The following ZBTB16 variants were observed in gnomAD, a reference collection of about 807,000 sequenced individuals.
The protein encoded by ZBTB16 is zinc finger and BTB domain-containing protein 16.
In ZBTB16, 8 loss-of-function variants were observed where a neutral mutation model predicts 56.8. That is an observed-to-expected ratio of 0.14 (90% CI 0.08 to 0.25). The LOEUF is 0.25. Among genes scored for constraint, ZBTB16 ranks in the 10% least tolerant of loss-of-function variants. The probability of loss-of-function intolerance (pLI) is 1.00; values close to 1 mark genes in which losing one functional copy is unlikely to be tolerated. For missense variants in ZBTB16, 625 were observed against 903.0 expected (o/e 0.69, Z 3.95); for synonymous variants, 363 against 368.5 (o/e 0.98, Z 0.17).
intron 2 of ZBTB16, among the ~76,000 whole-genome samples, chr11:114,079,242 G>T (rs1374603969): frequency 1.3e-5 from 2 of 152,154 alleles, no homozygotes; most frequent in African/African-American, 4.8e-5. Context: ...TGACCACCTT[G>T]TCCATGGTAA....
intron 3 of ZBTB16, 47 bp from the exon 4 acceptor site, chr11:114,186,905 A>C: frequency 6.3e-7 from 1 of 1,591,958 alleles, no homozygotes; most frequent in South Asian, 1.1e-5. Context: ...CTCCCCGCTC[A>C]CCAGTGGACT....
chr11:114,062,296 C>T (rs1447281224), intron 1 of ZBTB16, among the ~76,000 whole-genome samples: 1 of 151,812 alleles, frequency 6.6e-6, no homozygotes, highest in Non-Finnish European at 1.5e-5. Context: ...AGAGACGGGG[C>T]TTCTCCATGT....
intron 4 of ZBTB16, among the ~76,000 whole-genome samples, chr11:114,228,933 C>G (rs1944383880): frequency 6.6e-6 from 1 of 152,226 alleles, no homozygotes; most frequent in Non-Finnish European, 1.5e-5. Flanking sequence ...TGTCCCTCCC[C>G]TTCCCTGGCG....
At chr11:114,150,563 A>G (rs2846020) in intron 2 of ZBTB16, among the ~76,000 whole-genome samples, 1 of 152,246 alleles carries the variant, frequency 6.6e-6, no homozygotes, top group African/African-American at 2.4e-5. Flanking sequence ...TGGGGAGGAA[A>G]TACTGATAGC....
chr11:114,094,296 C>T (rs143051369), intron 2 of ZBTB16, among the ~76,000 whole-genome samples: 2,618 of 152,032 alleles, frequency 0.017, 78 homozygotes, highest in African/African-American at 0.059. Context: ...GCCTGGGAGA[C>T]AGAGCAAGAC....
intron 3 of ZBTB16, among the ~76,000 whole-genome samples, chr11:114,175,460 C>T (rs1943084921): frequency 6.8e-6 from 1 of 146,458 alleles, no homozygotes; most frequent in Non-Finnish European, 1.5e-5. Context: ...CATGTGCAAA[C>T]TTTTTTTTTT....
In ZBTB16 at chr11:114,121,431, C is replaced by T. The variant is rs549380772; in HGVS notation, c.1269-34906C>T. Among the ~76,000 whole-genome samples the T allele has an allele frequency of 6.9e-4, 105 of 152,264 alleles. 1 individual carries two copies. Among genetic ancestry groups the T allele is most frequent in the African/African-American group, 2.4e-3 (101 of 41,550 alleles). ...GCCAGTAAGGTGGGGAGGTCATTTTCTCACCAAATCAAAACACAAAACCCT... is the reference window on the plus strand; with the variant it reads ...GCCAGTAAGGTGGGGAGGTCATTTTTTCACCAAATCAAAACACAAAACCCT... On this transcript the variant is annotated intron_variant, in intron 2 of 6. Coordinates refer to ENST00000335953, the MANE Select transcript of ZBTB16 (RefSeq NM_006006.6).
chr11:114,091,780 GT>G (rs1565620301), intron 2 of ZBTB16, among the ~76,000 whole-genome samples: 1 of 151,898 alleles, frequency 6.6e-6, no homozygotes, highest in Non-Finnish European at 1.5e-5. Flanking sequence ...CCTTCCCCTT[GT>G]TTTTGTCCAC....
At position 114,210,770 on chromosome 11, in the gene ZBTB16, C is replaced by G. The variant is rs146271995; in HGVS notation, c.1453+23732C>G. 1,916 of 217,866 alleles carry G rather than the reference C, an allele frequency of 8.8e-3. 10 individuals carry two copies. Among genetic ancestry groups the G allele is most frequent in the Non-Finnish European group, 0.014 (1,568 of 108,252 alleles). 13.5% of individuals were successfully genotyped at this position (217,866 alleles called of 1,614,324 possible). ...TGTTCACTGCCAGGGCTCTTGGGGT[C>G]TAAGGTGGGTTAAAGGACAGAGATG... On this transcript the variant is annotated intron_variant, in intron 4 of 6. Coordinates refer to ENST00000335953, the MANE Select transcript of ZBTB16 (RefSeq NM_006006.6).
intron 6 of ZBTB16, among the ~76,000 whole-genome samples, chr11:114,248,755 C>T (rs758837617): frequency 2.0e-5 from 3 of 152,164 alleles, no homozygotes; most frequent in Non-Finnish European, 4.4e-5. Flanking sequence ...GTTGGGTGTC[C>T]GTTGATGACA....
At chr11:114,226,711 C>T (rs1407791618) in intron 4 of ZBTB16, among the ~76,000 whole-genome samples, 1 of 152,078 alleles carries the variant, frequency 6.6e-6, no homozygotes, top group Non-Finnish European at 1.5e-5. Context: ...GCATGCACAC[C>T]ACCTGACATG....
chr11:114,233,078 C>T (rs1307523695), intron 4 of ZBTB16, among the ~76,000 whole-genome samples: 1 of 33,812 alleles, frequency 3.0e-5, no homozygotes, highest in African/African-American at 8.4e-5. Flanking sequence ...CGCGCGCGCG[C>T]GCGCACACAC....
At chr11:114,150,125 G>A (rs1396954295) in intron 2 of ZBTB16, among the ~76,000 whole-genome samples, 2 of 152,198 alleles carry the variant, frequency 1.3e-5, no homozygotes, top group Non-Finnish European at 2.9e-5. Context: ...GACACTGGGT[G>A]TGACTAATGG....
At chr11:114,167,196 CG>C (rs1407473113) in intron 3 of ZBTB16, among the ~76,000 whole-genome samples, 6 of 141,932 alleles carry the variant, frequency 4.2e-5, no homozygotes, top group African/African-American at 7.8e-5. Flanking sequence ...AGAGGAGCCT[CG>C]GGCCATTATG....
intron 6 of ZBTB16, among the ~76,000 whole-genome samples, chr11:114,249,627 C>T (rs1328364529): frequency 6.3e-5 from 9 of 142,704 alleles, no homozygotes; most frequent in Non-Finnish European, 1.1e-4. Flanking sequence ...TAGCCGGGCG[C>T]GGTGGCAGGC....
chr11:114,079,764 C>T (rs1387931807), intron 2 of ZBTB16, among the ~76,000 whole-genome samples: 2 of 152,136 alleles, frequency 1.3e-5, no homozygotes, highest in Admixed American at 6.5e-5. Context: ...GTGGGGAAGG[C>T]TTGTTGGCTC....
intron 4 of ZBTB16, among the ~76,000 whole-genome samples, chr11:114,206,348 TAG>T (rs200530596): frequency 6.6e-6 from 1 of 152,260 alleles, no homozygotes; most frequent in Non-Finnish European, 1.5e-5. Context: ...CACAGCAGGC[TAG>T]AGAGAGACAC....
intron 2 of ZBTB16, among the ~76,000 whole-genome samples, chr11:114,090,522 AAC>A (rs1247952649): frequency 6.6e-6 from 1 of 152,094 alleles, no homozygotes; most frequent in Non-Finnish European, 1.5e-5. Context: ...CCCCATCATA[AAC>A]ACGTGTGGAC....
rs935815331 is a variant in ZBTB16 at position 114,162,480 on chromosome 11, G to T, written c.1366+6046G>T. The stretch of plus-strand genomic sequence containing the variant: ...TCCAAAGATGGCTTCCCCTCATCTT[G>T]TCTCTCCTCCCATTCACCTCTCTCC... On this transcript the variant is annotated intron_variant, in intron 3 of 6. Coordinates refer to ENST00000335953, the MANE Select transcript of ZBTB16 (RefSeq NM_006006.6). Among the ~76,000 whole-genome samples the T allele has an allele frequency of 2.0e-5, 3 of 152,262 alleles. No homozygotes were observed. In the South Asian group the frequency reaches 6.2e-4, roughly 32 times the overall value.
Sources: allele counts gnomAD v4.1 joint callset (sites outside exome capture counted in the v4.1 genomes callset), GRCh38; gene constraint gnomAD v4.1.1; transcripts MANE v1.5; gene names NCBI Gene and HGNC (gene_info 2026-07-23, HGNC 2026-07-21).